The following ATAD2 variants were observed in gnomAD, a reference collection of about 807,000 sequenced individuals.
ATAD2 encodes ATPase family AAA domain-containing protein 2.
A neutral mutation model predicts 168.9 loss-of-function variants in ATAD2; 62 were observed. The observed-to-expected ratio is 0.37, with a 90% CI of 0.30 to 0.45. ATAD2 has a LOEUF of 0.45. Ranked by LOEUF, ATAD2 falls within the 20% of genes least tolerant of loss-of-function variation. The probability of loss-of-function intolerance (pLI) is 1.00; values close to 1 mark genes in which losing one functional copy is unlikely to be tolerated. For synonymous variants in ATAD2, 613 were observed against 571.6 expected (o/e 1.07, Z -1.03); for missense variants, 1,419 against 1,667.8 (o/e 0.85, Z 2.60).
chr8:123,413,233 C>G lies in ATAD2; in HGVS notation c.-2282+3015G>C, dbSNP rs984911290. On this transcript the variant is annotated intron_variant, in intron 1 of 28. Transcript: ENST00000521903. ...CCTGGCTCTAATGAGCGCCCCCCCC[C>G]CCCCAACTCCTCCCTGCTTCCTCAT... Among the ~76,000 whole-genome samples the G allele has an allele frequency of 9.1e-4, 137 of 150,528 alleles. 1 individual carries two copies. In the East Asian group the frequency reaches 0.017, roughly 19 times the overall value.
intron 13 of ATAD2, chr8:123,352,673 G>T (rs972095664): frequency 6.8e-6 from 1 of 147,098 alleles, no homozygotes; most frequent in Admixed American, 6.7e-5. Context: ...TAGAAATTAA[G>T]AAATCATACC....
chr8:123,361,481 T>C, intron 9 of ATAD2, 58 bp downstream of exon 9: 1 of 1,418,658 alleles, frequency 7.0e-7, no homozygotes, highest in Non-Finnish European at 9.9e-7. Context: ...TTCTGTTTTC[T>C]TAGCAATTTT....
chr8:123,320,577 A>G lies in ATAD2; in HGVS notation c.*557T>C, dbSNP rs1019386006. 6.6e-6 allele frequency: 1 copy of G among 152,304 alleles called. No individual in the cohort carries two copies. Among genetic ancestry groups the G allele is most frequent in the South Asian group, 2.1e-4 (1 of 4,838 alleles). The allele number at this position is 152,304 out of a possible 1,614,324, so 9.4% of individuals were successfully genotyped here. A position where few individuals can be genotyped will look rare whatever the true frequency, so the allele number is the denominator to read the frequency against. On this transcript the variant is annotated 3_prime_UTR_variant, in exon 28 of 28. Transcript: ENST00000287394. ...TCAAAAACAATGACTGTGATACTCA[A>G]GTACAGAATTGTGGTGCAGCCAGAA...
At chr8:123,415,751 C>T (rs1262060369) in intron 1 of ATAD2, among the ~76,000 whole-genome samples, 3 of 152,116 alleles carry the variant, frequency 2.0e-5, no homozygotes, top group Non-Finnish European at 4.4e-5. Flanking sequence ...CGCGCCTCCA[C>T]GCCCAACTAA....
In ATAD2 at chr8:123,363,647, A is replaced by G. The variant is rs78020622; in HGVS notation, c.1050-2001T>C. 3.4e-3 allele frequency among the ~76,000 whole-genome samples: 517 copies of G among 152,334 alleles called. 4 individuals carry two copies. Among genetic ancestry groups the G allele is most frequent in the African/African-American group, 0.012 (496 of 41,572 alleles). ...ACTAACTTATTCATTATTACCATGA[A>G]TATTAGACTTTAATGTATTCACATA... On this transcript the variant is annotated intron_variant, in intron 8 of 27. Transcript: ENST00000287394.
chr8:123,407,212 G>A (rs191653043), intron 1 of ATAD2, among the ~76,000 whole-genome samples: 17 of 152,298 alleles, frequency 1.1e-4, no homozygotes, highest in African/African-American at 2.2e-4. Flanking sequence ...CCTGGCTGAC[G>A]CTTTGATTTC....
At chr8:123,389,978 ATATATATTTT>A (rs1331229575) in intron 1 of ATAD2, among the ~76,000 whole-genome samples, 3,392 of 116,208 alleles carry the variant, frequency 0.029, 145 homozygotes, top group African/African-American at 0.13. Context: ...ATATATATAT[ATATATATTTT>A]TTTTTTTTTA....
At position 123,338,358 on chromosome 8, in the gene ATAD2, G is replaced by GA. The variant is rs60724364; in HGVS notation, c.2855-538dup. ...TGACAGAGAGAGACTCCGTCTCAAGGAAAAAAAAAAAAAAGACAATTTAAG... is the reference window on the plus strand; with the variant it reads ...TGACAGAGAGAGACTCCGTCTCAAGGAAAAAAAAAAAAAAAGACAATTTAAG... On this transcript the variant is annotated intron_variant, in intron 20 of 27. Coordinates refer to ENST00000287394, the MANE Select transcript of ATAD2 (RefSeq NM_014109.4). 4.9e-3 allele frequency among the ~76,000 whole-genome samples: 592 copies of GA among 120,026 alleles called. 5 individuals are homozygous for GA. Among genetic ancestry groups the GA allele is most frequent in the African/African-American group, 0.014 (445 of 32,602 alleles). The allele number at this position is 120,026 out of a possible 152,430, so 78.7% of individuals were successfully genotyped here.
intron 4 of ATAD2, 27 bp downstream of exon 4, chr8:123,371,643 A>T (rs775568014): frequency 6.3e-7 from 1 of 1,576,180 alleles, no homozygotes; most frequent in Non-Finnish European, 8.6e-7. Context: ...CAGATAAATC[A>T]TCTTGATCTA....
chr8:123,380,001 C>T (rs1320222150), intron 2 of ATAD2, among the ~76,000 whole-genome samples: 1 of 151,948 alleles, frequency 6.6e-6, no homozygotes, highest in Admixed American at 6.6e-5. Flanking sequence ...ATTATCCTGC[C>T]TCAGCCTCCT....
At chr8:123,327,995 AG>A (rs1290482929) in intron 25 of ATAD2, among the ~76,000 whole-genome samples, 194 bp downstream of exon 25, 2 of 152,188 alleles carry the variant, frequency 1.3e-5, no homozygotes, top group Non-Finnish European at 2.9e-5. Context: ...GCTCAAATCT[AG>A]GTCTGTTTGA....
In ATAD2 at chr8:123,370,976, C is replaced by T; in HGVS notation, c.654G>A (p.Met218Ile). The T allele has an allele frequency of 6.3e-7, 1 of 1,590,488 alleles. No homozygotes were observed. The highest frequency in any genetic ancestry group is 8.6e-7 in the Non-Finnish European group (1 of 1,166,848). Reference sequence around the variant, plus strand: ...TATCTTTCTGTTTTCCTCTTGTGTACATATTAAGATTGCTCTAAAAATGTT... The same window carrying T: ...TATCTTTCTGTTTTCCTCTTGTGTATATATTAAGATTGCTCTAAAAATGTT... Reference protein sequence around the residue: ...FNETEESNLNMYTRGKQKDIQ... With the variant: ...FNETEESNLNIYTRGKQKDIQ... The change falls in exon 6 of 28, where the codon ATG becomes ATA. Residue 218 changes from methionine to isoleucine, a missense_variant. This residue lies in a region of ATAD2 where 419 missense variants were observed against 423.5 expected (regional missense o/e 0.99). Transcript: ENST00000287394.
intron 20 of ATAD2, among the ~76,000 whole-genome samples, chr8:123,339,046 A>T (rs562122444): frequency 1.3e-5 from 2 of 152,296 alleles, no homozygotes; most frequent in East Asian, 3.9e-4. Context: ...GAGAAAAAAA[A>T]TGTGGGGGTG....
chr8:123,379,105 T>C (rs1829412558), intron 2 of ATAD2, among the ~76,000 whole-genome samples: 1 of 152,052 alleles, frequency 6.6e-6, no homozygotes, highest in African/African-American at 2.4e-5. Flanking sequence ...GCCAAAACAA[T>C]TATTTCATCA....
chr8:123,339,287 A>T (rs1245176806), intron 20 of ATAD2, 24 bp downstream of exon 20: 1 of 1,483,650 alleles, frequency 6.7e-7, no homozygotes, highest in Non-Finnish European at 9.1e-7. Flanking sequence ...ATTATTAAAT[A>T]TTAACTTTGA....
chr8:123,360,217 G>T (rs962759466), intron 9 of ATAD2, among the ~76,000 whole-genome samples: 3 of 152,200 alleles, frequency 2.0e-5, no homozygotes, highest in Admixed American at 6.5e-5. Context: ...CAAGTGGTCT[G>T]TCTCCAGAGC....
Position 123,369,151 on chromosome 8 carries a change from T to C in ATAD2, c.956A>G (p.Asn319Ser). Residue 319 changes from asparagine (N) to serine (S), a missense_variant, in exon 8 of 28, where the codon AAC (asparagine) becomes AGC (serine). Around this residue, in one of 5 missense-constraint regions of ATAD2, gnomAD observed 419 missense variants for 423.5 expected, o/e 0.99. Transcript: ENST00000287394. ...AGAAGCTGGGCCACTATAAAATATG[T>C]TGGGCTTTCTCTGGTGACGAGGTTC... The part of the protein sequence containing the change: ...LEKPRHQRKP[N>S]IFYSGPASPA... 6 of 1,563,376 alleles carry C rather than the reference T, an allele frequency of 3.8e-6. No individual in the cohort carries two copies. In the East Asian group the frequency reaches 1.1e-4, roughly 30 times the overall value.
At chr8:123,406,552 G>A (rs1251192250) in intron 1 of ATAD2, among the ~76,000 whole-genome samples, 1 of 151,616 alleles carries the variant, frequency 6.6e-6, no homozygotes, top group Non-Finnish European at 1.5e-5. Flanking sequence ...CGGGTGTGGT[G>A]GCTTTAGCCC....
chr8:123,348,183 C>A lies in ATAD2; in HGVS notation c.1897G>T (p.Gly633Ter). 6.3e-7 allele frequency: 1 copy of A among 1,576,848 alleles called. No individual in the cohort carries two copies. The highest frequency in any genetic ancestry group is 8.6e-7 in the Non-Finnish European group (1 of 1,161,880). ...FLEELAENCV[G>*]YCGADIKSIC... ...TTTAACTGCTTAAAACAATGTTTAC[C>A]AACACAGTTTTCTGCTAGCTCTTCT... Residue 633 changes from glycine to a stop codon, truncating the protein, a stop_gained and splice_region_variant, in exon 15 of 28, where the codon GGA becomes TGA. Coordinates refer to ENST00000287394, the MANE Select transcript of ATAD2 (RefSeq NM_014109.4). LOFTEE classifies it high-confidence loss of function.
Sources: gnomAD v4.1 joint callset for allele counts (sites outside exome capture counted in the v4.1 genomes callset) on GRCh38, gnomAD v4.1.1 for gene constraint, gnomAD v4.1.1 regional missense constraint, MANE v1.5 for transcripts, NCBI Gene and HGNC (gene_info 2026-07-23, HGNC 2026-07-21) for gene names.